Variants in KTN1 observed in about 807,000 individuals in gnomAD.
KTN1 encodes kinectin.
A neutral mutation model predicts 222.5 loss-of-function variants in KTN1; 130 were observed. The observed-to-expected ratio is 0.58, with a 90% confidence interval of 0.51 to 0.68. The LOEUF is 0.68. Among genes scored for constraint, KTN1 ranks in the 30% least tolerant of loss-of-function variants. KTN1 has a pLI of 0.00. For missense variants in KTN1, 1,508 were observed against 1,500.4 expected, an observed-to-expected ratio of 1.01 and a Z score of -0.08; for synonymous variants, 512 against 496.3, an observed-to-expected ratio of 1.03 and a Z score of -0.42.
chr14:55,670,821 A>G lies in KTN1; in HGVS notation c.3348+12A>G, dbSNP rs751057747. ...CAGAGGAGGTTAAGGTTAGTTCAGC[A>G]AATGAACTGTTTGTAATTTAAACAT... On this transcript the variant is annotated intron_variant, in intron 35 of 43. Coordinates refer to ENST00000395314, the MANE Select transcript of KTN1 (RefSeq NM_001079521.2). 1 of 1,531,876 alleles carries G rather than the reference A, an allele frequency of 6.5e-7. No individual in the cohort carries two copies. The highest frequency in any genetic ancestry group is 1.2e-5 in the South Asian group (1 of 85,440). The allele number at this position is 1,531,876 out of a possible 1,614,324, so 94.9% of individuals were successfully genotyped here. A position where few individuals can be genotyped will look rare whatever the true frequency, so the allele number is the denominator to read the frequency against.
chr14:55,631,498 A>G (rs891231951), intron 7 of KTN1, among the ~76,000 whole-genome samples: 17 of 151,862 alleles, frequency 1.1e-4, no homozygotes, highest in East Asian at 3.9e-4. Flanking sequence ...AATCTTAAAG[A>G]CACTTTATTT....
intron 1 of KTN1, among the ~76,000 whole-genome samples, chr14:55,594,116 C>T (rs2034624369): frequency 6.6e-6 from 1 of 152,154 alleles, no homozygotes; most frequent in Non-Finnish European, 1.5e-5. Flanking sequence ...AAGGTTGGTG[C>T]AAAAGTAATA....
At chr14:55,595,496 G>C (rs2034874591) in intron 1 of KTN1, among the ~76,000 whole-genome samples, 1 of 152,172 alleles carries the variant, frequency 6.6e-6, no homozygotes, top group African/African-American at 2.4e-5. Flanking sequence ...CTTACGTTCT[G>C]AAACCTTTAA....
At chr14:55,660,323 C>G (rs1042904913) in intron 31 of KTN1, among the ~76,000 whole-genome samples, 3 of 150,880 alleles carry the variant, frequency 2.0e-5, no homozygotes, top group African/African-American at 7.3e-5. Flanking sequence ...CACCATTGCA[C>G]TCCAGCCTGG....
At position 55,672,689 on chromosome 14, in the gene KTN1, G is replaced by A. The variant is rs779108478; in HGVS notation, c.3591G>A (p.Lys1197=). The A allele has an allele frequency of 4.4e-6, 7 of 1,587,994 alleles. No individual in the cohort carries two copies. The highest frequency in any genetic ancestry group is 1.1e-5 in the South Asian group (1 of 90,286). Residue 1197 remains lysine, a synonymous_variant, in exon 38 of 44, where the codon AAG becomes AAA. Coordinates refer to ENST00000395314, the MANE Select transcript of KTN1 (RefSeq NM_001079521.2). ...QELERLRSEN[K]DIENLRRERE... ...TAGAGCGATTAAGAAGCGAAAATAAGGATATTGAAAATGTATGTTATTTGA... is the reference window on the plus strand; with the variant it reads ...TAGAGCGATTAAGAAGCGAAAATAAAGATATTGAAAATGTATGTTATTTGA...
intron 5 of KTN1, among the ~76,000 whole-genome samples, chr14:55,622,489 C>T (rs1415267018): frequency 6.6e-6 from 1 of 152,138 alleles, no homozygotes; most frequent in Non-Finnish European, 1.5e-5. Context: ...CTATGTCATA[C>T]TGGGAAAGGT....
intron 18 of KTN1, among the ~76,000 whole-genome samples, chr14:55,644,082 A>G (rs1412519715): frequency 1.3e-5 from 2 of 152,170 alleles, no homozygotes; most frequent in Non-Finnish European, 2.9e-5. Flanking sequence ...AATAGTCTAG[A>G]AAGCATATGA....
intron 2 of KTN1, among the ~76,000 whole-genome samples, chr14:55,615,250 A>G (rs1366049596): frequency 6.6e-6 from 1 of 152,080 alleles, no homozygotes; most frequent in Non-Finnish European, 1.5e-5. Flanking sequence ...TGTGGTGGTA[A>G]GTACATTCAC....
At position 55,684,270 on chromosome 14, in the gene KTN1, A is replaced by G. The variant is rs868627971; in HGVS notation, c.*167A>G. 6 of 491,716 alleles carry G rather than the reference A, an allele frequency of 1.2e-5. No individual in the cohort carries two copies. In the South Asian group the frequency reaches 2.7e-4, roughly 22 times the overall value. The allele number at this position is 491,716 out of a possible 1,614,324, so 30.5% of individuals were successfully genotyped here. On this transcript the variant is annotated 3_prime_UTR_variant, in exon 44 of 44. Transcript: ENST00000395314. ...CTACTGATTTAAAGAAGGAAAAAAA[A>G]AAGCCAACTCTGTAGACACCTTCAG...
At chr14:55,620,118 A>T (rs1445626328) in intron 5 of KTN1, among the ~76,000 whole-genome samples, 2 of 152,216 alleles carry the variant, frequency 1.3e-5, no homozygotes, top group Non-Finnish European at 2.9e-5. Context: ...CCAGTGGGGC[A>T]GTCAAATCTT....
At position 55,680,558 on chromosome 14, in the gene KTN1, T is replaced by A. The variant is rs114967216; in HGVS notation, c.4069+873T>A. On this transcript the variant is annotated intron_variant, in intron 43 of 43. Coordinates refer to ENST00000395314, the MANE Select transcript of KTN1 (RefSeq NM_001079521.2). ...CCTGAGGGGCAACTCATCACTGAAT[T>A]ATCCCTTTCAGAACCCCTGATAATA... 6 of 536,534 alleles carry A rather than the reference T, an allele frequency of 1.1e-5. No homozygotes were observed. In the African/African-American group the frequency reaches 1.2e-4, roughly 10 times the overall value. 33.2% of individuals were successfully genotyped at this position (536,534 alleles called of 1,614,324 possible).
chr14:55,620,996 G>C (rs1362760095), intron 5 of KTN1, among the ~76,000 whole-genome samples: 2 of 152,066 alleles, frequency 1.3e-5, no homozygotes, highest in South Asian at 2.1e-4. Flanking sequence ...TAGCACCCAG[G>C]TCACCTCTTG....
intron 43 of KTN1, chr14:55,681,903 T>A (rs1349835012): frequency 2.0e-5 from 3 of 152,150 alleles, no homozygotes; most frequent in Non-Finnish European, 2.9e-5. Context: ...TTAGCTATCA[T>A]TTTTGCTACA....
intron 29 of KTN1, among the ~76,000 whole-genome samples, chr14:55,657,883 C>T (rs948815680): frequency 6.6e-6 from 1 of 151,746 alleles, no homozygotes; most frequent in African/African-American, 2.4e-5. Context: ...CACTGCACTC[C>T]AGCCTGGGTA....
In KTN1 at chr14:55,631,347, T is replaced by G. The variant is rs113615458; in HGVS notation, c.1221+1250T>G. Among the ~76,000 whole-genome samples the G allele has an allele frequency of 2.2e-3, 276 of 125,302 alleles. 1 individual carries two copies. The highest frequency in any genetic ancestry group is 0.018 in the South Asian group (74 of 4,008). The allele number at this position is 125,302 out of a possible 152,430, so 82.2% of individuals were successfully genotyped here. A position where few individuals can be genotyped will look rare whatever the true frequency, so the allele number is the denominator to read the frequency against. ...CTCACCTATTGATAAGGTTGATATA[T>G]ATATATATATATATATATATATGTA... On this transcript the variant is annotated intron_variant, in intron 7 of 43. Coordinates refer to ENST00000395314, the MANE Select transcript of KTN1 (RefSeq NM_001079521.2).
chr14:55,668,999 A>G (rs1236012298), intron 34 of KTN1, among the ~76,000 whole-genome samples: 2 of 152,118 alleles, frequency 1.3e-5, no homozygotes, highest in Non-Finnish European at 2.9e-5. Flanking sequence ...ACGTATAGAT[A>G]CACTATCAGT....
intron 1 of KTN1, among the ~76,000 whole-genome samples, chr14:55,606,383 G>A (rs2036724266): frequency 6.6e-6 from 1 of 151,694 alleles, no homozygotes. Flanking sequence ...ATGTTTTGTG[G>A]TGGAAAAAGA....
intron 29 of KTN1, among the ~76,000 whole-genome samples, chr14:55,657,858 G>A (rs2043666073): frequency 6.6e-6 from 1 of 151,914 alleles, no homozygotes; most frequent in African/African-American, 2.4e-5. Context: ...AGGCTGCAGT[G>A]AGTTAAGATC....
intron 43 of KTN1, 108 bp downstream of exon 43, chr14:55,679,793 T>G (rs2034694531): frequency 8.6e-7 from 1 of 1,167,594 alleles, no homozygotes; most frequent in African/African-American, 1.6e-5. Context: ...ATTCCTTCTT[T>G]ATCTCTCAGA....
Sources: gnomAD v4.1 joint callset for allele counts (sites outside exome capture counted in the v4.1 genomes callset) on GRCh38, gnomAD v4.1.1 for gene constraint, MANE v1.5 for transcripts, NCBI Gene and HGNC (gene_info 2026-07-23, HGNC 2026-07-21) for gene names.